Variants in STPG2 observed in about 807,000 individuals in gnomAD.
STPG2 encodes the protein sperm-tail PG-rich repeat-containing protein 2.
In STPG2, 56 loss-of-function variants were observed where a neutral mutation model predicts 54.2. The observed-to-expected ratio is 1.03, with a 90% CI of 0.83 to 1.29. STPG2 has a LOEUF of 1.29. Among genes scored for constraint, STPG2 ranks in the 50% most tolerant of loss-of-function variants. The pLI, the probability that STPG2 is intolerant of heterozygous loss-of-function variation, is 0.00. For missense variants in STPG2, 596 were observed against 544.9 expected, an observed-to-expected ratio of 1.09 and a Z score of -0.93; for synonymous variants, 200 against 181.8, an observed-to-expected ratio of 1.10 and a Z score of -0.81.
At chr4:98,088,672 GAAAAAAA>G (rs61146705) in intron 5 of STPG2, among the ~76,000 whole-genome samples, 2 of 125,396 alleles carry the variant, frequency 1.6e-5, no homozygotes, top group South Asian at 2.6e-4. Flanking sequence ...TCCTTTAGGG[GAAAAAAA>G]AAAAAAAAAA....
chr4:97,645,302 G>A (rs1305884671), intron 10 of STPG2, among the ~76,000 whole-genome samples: 2 of 147,832 alleles, frequency 1.4e-5, no homozygotes, highest in African/African-American at 5.0e-5. Flanking sequence ...AAAGTATCTT[G>A]CTGAAAAAAA....
At chr4:97,459,736 C>G (rs895301876) in intron 4 of STPG2, among the ~76,000 whole-genome samples, 1 of 152,120 alleles carries the variant, frequency 6.6e-6, no homozygotes, top group African/African-American at 2.4e-5. Flanking sequence ...CCACCGTGCC[C>G]GGCCAGGATG....
chr4:97,942,656 A>T (rs1163687220), intron 8 of STPG2, among the ~76,000 whole-genome samples: 1 of 152,124 alleles, frequency 6.6e-6, no homozygotes, highest in Admixed American at 6.6e-5. Flanking sequence ...AGACATTCAG[A>T]GTTATATTAA....
At chr4:97,737,787 T>A (rs1480475507) in intron 9 of STPG2, among the ~76,000 whole-genome samples, 1 of 152,188 alleles carries the variant, frequency 6.6e-6, no homozygotes, top group Non-Finnish European at 1.5e-5. Flanking sequence ...AAAACACTCT[T>A]CAGGATATTA....
intron 5 of STPG2, among the ~76,000 whole-genome samples, chr4:98,034,308 A>G (rs1047507306): frequency 4.6e-5 from 7 of 152,172 alleles, no homozygotes; most frequent in Admixed American, 1.3e-4. Flanking sequence ...TACATCAATA[A>G]CAGACAGAGA....
intron 9 of STPG2, among the ~76,000 whole-genome samples, chr4:97,830,707 C>T (rs1728427151): frequency 6.6e-6 from 1 of 151,744 alleles, no homozygotes; most frequent in African/African-American, 2.4e-5. Flanking sequence ...AAAGCAAAAA[C>T]AAGCAGAGGT....
intron 8 of STPG2, among the ~76,000 whole-genome samples, chr4:97,915,650 G>GA (rs1267732629): frequency 5.3e-5 from 8 of 151,978 alleles, no homozygotes; most frequent in East Asian, 3.9e-4. Flanking sequence ...ATAGAGGGTG[G>GA]AAAAAAATTG....
chr4:97,487,654 T>G (rs1166278771), intron 4 of STPG2, among the ~76,000 whole-genome samples: 6 of 151,484 alleles, frequency 4.0e-5, no homozygotes, highest in Non-Finnish European at 8.9e-5. Context: ...TTACACTTGA[T>G]GGTATATTAG....
At chr4:97,867,707 T>C (rs947731561) in intron 8 of STPG2, among the ~76,000 whole-genome samples, 4 of 152,054 alleles carry the variant, frequency 2.6e-5, no homozygotes, top group African/African-American at 4.8e-5. Flanking sequence ...AGTCCCATAG[T>C]AATATCAGTT....
At chr4:97,770,973 C>T (rs1726198767) in intron 9 of STPG2, among the ~76,000 whole-genome samples, 1 of 152,118 alleles carries the variant, frequency 6.6e-6, no homozygotes, top group African/African-American at 2.4e-5. Flanking sequence ...CTTAGATATA[C>T]AAGTCTGAAG....
At chr4:97,444,334 T>C (rs950645031) in intron 4 of STPG2, among the ~76,000 whole-genome samples, 2 of 151,986 alleles carry the variant, frequency 1.3e-5, no homozygotes, top group African/African-American at 4.8e-5. Context: ...GGGCAGAAGG[T>C]AGGAAAATCT....
chr4:98,064,661 C>A (rs113550983), intron 5 of STPG2, among the ~76,000 whole-genome samples: 1,771 of 152,230 alleles, frequency 0.012, 28 homozygotes, highest in African/African-American at 0.041. Flanking sequence ...AAAACAATAA[C>A]CTGGCAGACC....
chr4:97,616,786 G>C (rs1461461459), intron 10 of STPG2, among the ~76,000 whole-genome samples: 4 of 152,046 alleles, frequency 2.6e-5, no homozygotes, highest in Non-Finnish European at 5.9e-5. Flanking sequence ...TTACATTTTA[G>C]TGAATTATTT....
chr4:97,449,308 C>A (rs1447159237), intron 4 of STPG2, among the ~76,000 whole-genome samples: 5 of 152,122 alleles, frequency 3.3e-5, no homozygotes. Context: ...GATGTGCCTT[C>A]TCTCAGCATT....
chr4:97,512,415 C>T (rs1188960557), intron 4 of STPG2, among the ~76,000 whole-genome samples: 1 of 152,074 alleles, frequency 6.6e-6, no homozygotes, highest in Non-Finnish European at 1.5e-5. Context: ...AAATCCCTGA[C>T]TGTAAATGTT....
At chr4:98,028,780 A>G (rs2149298147) in intron 5 of STPG2, among the ~76,000 whole-genome samples, 1 of 152,182 alleles carries the variant, frequency 6.6e-6, no homozygotes, top group South Asian at 2.1e-4. Flanking sequence ...GTGAAAGCTG[A>G]GTACATTGAT....
intron 8 of STPG2, among the ~76,000 whole-genome samples, chr4:97,906,464 T>C (rs1399521635): frequency 6.6e-6 from 1 of 152,218 alleles, no homozygotes; most frequent in African/African-American, 2.4e-5. Flanking sequence ...CCATTCCTTC[T>C]GAAACTATTC....
rs536389272 is a variant in STPG2 at position 97,783,388 on chromosome 4, C to T, written c.1204+57385G>A. Among the ~76,000 whole-genome samples, 4 of 152,264 alleles carry T rather than the reference C, an allele frequency of 2.6e-5. No individual in the cohort carries two copies. The South Asian group carries it at 6.2e-4, about 24-fold the overall frequency. Reference sequence around the variant, plus strand: ...AACCAAGATGAGATAACATCTCACACCAGTTAGAATGGCGATCATTAAAAA... The same window carrying T: ...AACCAAGATGAGATAACATCTCACATCAGTTAGAATGGCGATCATTAAAAA... On this transcript the variant is annotated intron_variant, in intron 9 of 10. Transcript: ENST00000295268.
intron 8 of STPG2, among the ~76,000 whole-genome samples, chr4:97,939,114 G>A (rs1305491162): frequency 6.6e-6 from 1 of 152,110 alleles, no homozygotes; most frequent in Admixed American, 6.5e-5. Context: ...ATAATTGCAT[G>A]ATTTTGAGTG....
Sources: gnomAD v4.1 joint callset for allele counts (sites outside exome capture counted in the v4.1 genomes callset) on GRCh38, gnomAD v4.1.1 for gene constraint, MANE v1.5 for transcripts, NCBI Gene and HGNC (gene_info 2026-07-23, HGNC 2026-07-21) for gene names.